HS6ST3: variants seen among roughly 807,000 people sequenced by gnomAD.
HS6ST3 encodes the protein heparan-sulfate 6-O-sulfotransferase 3.
A neutral mutation model predicts 36.7 loss-of-function variants in HS6ST3; 12 were observed. That is an observed-to-expected ratio of 0.33 (90% CI 0.21 to 0.53). HS6ST3 has a LOEUF of 0.53. Ranked by LOEUF, HS6ST3 falls within the 20% of genes least tolerant of loss-of-function variation. The pLI, the probability that HS6ST3 is intolerant of heterozygous loss-of-function variation, is 0.95. For synonymous variants in HS6ST3, 240 were observed against 257.5 expected, an observed-to-expected ratio of 0.93 and a Z score of 0.65; for missense variants, 584 against 640.9, an observed-to-expected ratio of 0.91 and a Z score of 0.96.
chr13:96,110,598 G>A (rs749578119), intron 1 of HS6ST3, among the ~76,000 whole-genome samples: 4 of 151,838 alleles, frequency 2.6e-5, no homozygotes, highest in Non-Finnish European at 5.9e-5. Context: ...CACCATGCCC[G>A]GCTAATTTTT....
Position 96,303,652 on chromosome 13 carries a change from A to G in HS6ST3, c.707+212083A>G, listed in dbSNP as rs564906864. 5.2e-4 allele frequency among the ~76,000 whole-genome samples: 79 copies of G among 152,342 alleles called. No homozygotes were observed. In the Middle Eastern group the frequency reaches 0.01, roughly 20 times the overall value. On this transcript the variant is annotated intron_variant, in intron 1 of 1. Transcript: ENST00000376705. ...CACAGGCCTGTATGGCACAGGAAAG[A>G]TGCCTGAGATCTGAAAAAATATCAA... is the stretch of plus-strand genomic sequence containing the variant.
intron 1 of HS6ST3, among the ~76,000 whole-genome samples, chr13:96,618,496 C>T (rs541347988): frequency 2.6e-5 from 4 of 152,140 alleles, no homozygotes; most frequent in African/African-American, 9.7e-5. Context: ...GCTTTTATCA[C>T]GTCACTAACA....
chr13:96,228,030 C>A (rs1161811874), intron 1 of HS6ST3, among the ~76,000 whole-genome samples: 2 of 152,066 alleles, frequency 1.3e-5, no homozygotes, highest in Non-Finnish European at 1.5e-5. Flanking sequence ...GAACTTAGTT[C>A]AGTTGATCTT....
At chr13:96,685,925 G>A (rs778713808) in intron 1 of HS6ST3, among the ~76,000 whole-genome samples, 3 of 152,154 alleles carry the variant, frequency 2.0e-5, no homozygotes, top group Non-Finnish European at 4.4e-5. Flanking sequence ...TGCATTTTAG[G>A]TGCTCACTTA....
At chr13:96,573,414 G>A (rs562971261) in intron 1 of HS6ST3, among the ~76,000 whole-genome samples, 294 of 152,270 alleles carry the variant, frequency 1.9e-3, no homozygotes, top group African/African-American at 6.9e-3. Flanking sequence ...ACTCCATGAA[G>A]CAGAAAGCGG....
intron 1 of HS6ST3, among the ~76,000 whole-genome samples, chr13:96,149,473 A>G (rs1427196157): frequency 6.6e-6 from 1 of 152,166 alleles, no homozygotes; most frequent in Non-Finnish European, 1.5e-5. Context: ...AGTGACATGC[A>G]TTCACAATAA....
At chr13:96,380,200 C>T (rs1476195217) in intron 1 of HS6ST3, among the ~76,000 whole-genome samples, 15 of 151,158 alleles carry the variant, frequency 9.9e-5, no homozygotes, top group Admixed American at 9.9e-4. Flanking sequence ...CTTGCATGTG[C>T]TCATGTGTTT....
At chr13:96,420,461 G>A (rs913096172) in intron 1 of HS6ST3, among the ~76,000 whole-genome samples, 3 of 151,830 alleles carry the variant, frequency 2.0e-5, no homozygotes, top group South Asian at 2.1e-4. Flanking sequence ...ACTTAGACTC[G>A]GTGGATGAGG....
At chr13:96,395,486 C>T (rs2055416312) in intron 1 of HS6ST3, among the ~76,000 whole-genome samples, 1 of 152,198 alleles carries the variant, frequency 6.6e-6, no homozygotes, top group African/African-American at 2.4e-5. Context: ...CTCTCTCTCT[C>T]ATCCCATCCA....
chr13:96,599,763 C>T (rs1467096286), intron 1 of HS6ST3, among the ~76,000 whole-genome samples: 1 of 151,956 alleles, frequency 6.6e-6, no homozygotes, highest in Non-Finnish European at 1.5e-5. Flanking sequence ...TTTGATGAAG[C>T]ATTAGCATTA....
intron 1 of HS6ST3, among the ~76,000 whole-genome samples, chr13:96,638,236 A>G (rs936804554): frequency 6.6e-6 from 1 of 152,102 alleles, no homozygotes; most frequent in African/African-American, 2.4e-5. Flanking sequence ...CTGTGAAGTA[A>G]GAGAATAGGA....
intron 1 of HS6ST3, among the ~76,000 whole-genome samples, chr13:96,518,636 A>G (rs894244027): frequency 1.3e-5 from 2 of 152,312 alleles, no homozygotes; most frequent in Non-Finnish European, 2.9e-5. Flanking sequence ...TGTACTATAC[A>G]TAATTATATG....
chr13:96,090,129 G>C lies in HS6ST3; in HGVS notation c.-734G>C, dbSNP rs1056210821. On this transcript the variant is annotated 5_prime_UTR_variant, in exon 1 of 2. Transcript: ENST00000376705. ...GTCACACCGGCTGGCGGGTTGTGGC[G>C]GTGCCAGCCTGTGTGTGCGAGTGTG... 3.3e-5 allele frequency among the ~76,000 whole-genome samples: 5 copies of C among 152,112 alleles called. No homozygotes were observed. The highest frequency in any genetic ancestry group is 7.4e-5 in the Non-Finnish European group (5 of 67,988).
chr13:96,792,612 G>A (rs1262371690), intron 1 of HS6ST3, among the ~76,000 whole-genome samples: 1 of 152,062 alleles, frequency 6.6e-6, no homozygotes, highest in East Asian at 1.9e-4. Context: ...GGACATTTTA[G>A]AACCTGTGTT....
intron 1 of HS6ST3, among the ~76,000 whole-genome samples, chr13:96,296,262 C>T (rs1566314986): frequency 6.6e-6 from 1 of 152,240 alleles, no homozygotes; most frequent in East Asian, 1.9e-4. Context: ...ATACTCTACA[C>T]TTGTAAAAGG....
chr13:96,675,750 T>C (rs1363840104), intron 1 of HS6ST3, among the ~76,000 whole-genome samples: 1 of 152,132 alleles, frequency 6.6e-6, no homozygotes, highest in Non-Finnish European at 1.5e-5. Flanking sequence ...AGGATTGGAG[T>C]TGGATTTGGA....
intron 1 of HS6ST3, among the ~76,000 whole-genome samples, chr13:96,673,720 AT>A (rs1404869038): frequency 6.6e-6 from 1 of 151,948 alleles, no homozygotes; most frequent in Admixed American, 6.6e-5. Flanking sequence ...TTTCTGAGAT[AT>A]TTCTTCAATT....
chr13:96,561,980 A>G (rs565283663), intron 1 of HS6ST3, among the ~76,000 whole-genome samples: 7 of 152,332 alleles, frequency 4.6e-5, no homozygotes, highest in Middle Eastern at 3.4e-3. Context: ...GATTTGTCAA[A>G]TAAGTTAAAA....
At chr13:96,607,304 A>G (rs1237378967) in intron 1 of HS6ST3, among the ~76,000 whole-genome samples, 1 of 152,260 alleles carries the variant, frequency 6.6e-6, no homozygotes, top group East Asian at 1.9e-4. Context: ...AAACATATGT[A>G]AGATACTCAA....
Sources: allele counts gnomAD v4.1 joint callset (sites outside exome capture counted in the v4.1 genomes callset), GRCh38; gene constraint gnomAD v4.1.1; transcripts MANE v1.5; gene names NCBI Gene and HGNC (gene_info 2026-07-23, HGNC 2026-07-21).